The following EFNA5 variants were observed in gnomAD, a reference collection of about 807,000 sequenced individuals.
EFNA5 encodes ephrin A5.
Under a neutral mutation model 22.9 loss-of-function variants are expected in EFNA5, and 5 were observed. The ratio of observed to expected loss-of-function variants is 0.22; its 90% confidence interval spans 0.11 to 0.46. EFNA5 has a LOEUF of 0.46. Among genes scored for constraint, EFNA5 ranks in the 20% least tolerant of loss-of-function variants. The pLI is 0.99. For missense variants in EFNA5, 237 were observed against 293.3 expected (o/e 0.81, Z 1.40); for synonymous variants, 113 against 112.2 (o/e 1.01, Z -0.04).
chr5:107,455,945 T>G (rs1580462984), intron 1 of EFNA5, among the ~76,000 whole-genome samples: 1 of 152,170 alleles, frequency 6.6e-6, no homozygotes, highest in East Asian at 1.9e-4. Context: ...TGATTTTGAG[T>G]GCTTCCTGCA....
chr5:107,486,374 A>G (rs1451420655), intron 1 of EFNA5, among the ~76,000 whole-genome samples: 1 of 152,200 alleles, frequency 6.6e-6, no homozygotes, highest in Non-Finnish European at 1.5e-5. Context: ...CAACCTAATC[A>G]GGTTCAGGTA....
chr5:107,620,799 A>G (rs1750017562), intron 1 of EFNA5, among the ~76,000 whole-genome samples: 1 of 152,352 alleles, frequency 6.6e-6, no homozygotes, highest in East Asian at 1.9e-4. Flanking sequence ...AATAATTACA[A>G]TATAAAATAA....
chr5:107,640,183 G>A (rs1260787806), intron 1 of EFNA5, among the ~76,000 whole-genome samples: 3 of 152,094 alleles, frequency 2.0e-5, no homozygotes, highest in Non-Finnish European at 4.4e-5. Flanking sequence ...CGGAAACTTT[G>A]GGGGAAGGTG....
intron 1 of EFNA5, among the ~76,000 whole-genome samples, chr5:107,509,785 C>T (rs961061968): frequency 1.2e-4 from 19 of 152,064 alleles, no homozygotes; most frequent in Non-Finnish European, 2.8e-4. Flanking sequence ...TTTCTAGAAC[C>T]CAGAAGAGTC....
chr5:107,572,577 G>A (rs164701), intron 1 of EFNA5, among the ~76,000 whole-genome samples: 42,860 of 152,090 alleles, frequency 0.28, 6,137 homozygotes, highest in Non-Finnish European at 0.3. Flanking sequence ...TGCCCTTTTA[G>A]AAGTTAGAGT....
intron 1 of EFNA5, among the ~76,000 whole-genome samples, chr5:107,503,970 A>C (rs1747196201): frequency 6.6e-6 from 1 of 152,222 alleles, no homozygotes; most frequent in African/African-American, 2.4e-5. Context: ...TTAAACTAAT[A>C]ATCAGGCAAT....
chr5:107,551,500 C>T (rs1487672716), intron 1 of EFNA5, among the ~76,000 whole-genome samples: 1 of 152,004 alleles, frequency 6.6e-6, no homozygotes, highest in East Asian at 1.9e-4. Flanking sequence ...CTGTTATTGC[C>T]CACTGGTCAG....
chr5:107,398,273 C>T (rs1747981375), intron 2 of EFNA5, among the ~76,000 whole-genome samples: 1 of 152,238 alleles, frequency 6.6e-6, no homozygotes, highest in Admixed American at 6.5e-5. Flanking sequence ...CCTACTTCCT[C>T]TGGCCACTTG....
chr5:107,617,368 A>C (rs1282526774), intron 1 of EFNA5, among the ~76,000 whole-genome samples: 2 of 152,092 alleles, frequency 1.3e-5, no homozygotes, highest in East Asian at 1.9e-4. Flanking sequence ...TTCAGCACCA[A>C]CCAGATGCTG....
chr5:107,502,044 T>C (rs1352251032), intron 1 of EFNA5, among the ~76,000 whole-genome samples: 1 of 152,164 alleles, frequency 6.6e-6, no homozygotes, highest in Non-Finnish European at 1.5e-5. Context: ...ACACCGGGCA[T>C]TGCCTACGGA....
intron 2 of EFNA5, among the ~76,000 whole-genome samples, chr5:107,408,185 A>C (rs796698361): frequency 6.6e-6 from 1 of 152,024 alleles, no homozygotes; most frequent in African/African-American, 2.4e-5. Context: ...ACACACACAC[A>C]CACCCATCAC....
At chr5:107,434,252 A>C (rs1749051210) in intron 1 of EFNA5, among the ~76,000 whole-genome samples, 1 of 152,170 alleles carries the variant, frequency 6.6e-6, no homozygotes, top group Non-Finnish European at 1.5e-5. Context: ...GTTCCTCTTT[A>C]CTAAGGTAAG....
chr5:107,394,505 G>A (rs529840796), intron 2 of EFNA5, among the ~76,000 whole-genome samples: 2 of 152,238 alleles, frequency 1.3e-5, no homozygotes, highest in South Asian at 4.1e-4. Flanking sequence ...GTTAAAACTT[G>A]GTTTTAACAC....
At chr5:107,569,401 A>ATATATATATTTATGTATATGTGTG (rs1561435743) in intron 1 of EFNA5, among the ~76,000 whole-genome samples, 31 of 130,174 alleles carry the variant, frequency 2.4e-4, no homozygotes, top group African/African-American at 1.1e-3. Flanking sequence ...ATATGTGTGT[A>ATATATATATTTATGTATATGTGTG]TATATATATA....
At chr5:107,407,260 C>T (rs374717160) in intron 2 of EFNA5, among the ~76,000 whole-genome samples, 8 of 152,198 alleles carry the variant, frequency 5.3e-5, no homozygotes, top group African/African-American at 1.9e-4. Context: ...GCAGCAGCAG[C>T]CCTGATTAGC....
At chr5:107,446,415 A>G (rs941644911) in intron 1 of EFNA5, among the ~76,000 whole-genome samples, 1 of 152,204 alleles carries the variant, frequency 6.6e-6, no homozygotes, top group African/African-American at 2.4e-5. Context: ...TAGTAGGTAG[A>G]GTGTAATTTT....
intron 1 of EFNA5, among the ~76,000 whole-genome samples, chr5:107,470,434 A>G (rs1750107866): frequency 6.6e-6 from 1 of 152,234 alleles, no homozygotes; most frequent in South Asian, 2.1e-4. Context: ...TATCATATGC[A>G]TGGCAGCATT....
intron 1 of EFNA5, among the ~76,000 whole-genome samples, chr5:107,618,028 GAA>G (rs534496118): frequency 3.4e-5 from 5 of 146,348 alleles, no homozygotes; most frequent in African/African-American, 1.2e-4. Flanking sequence ...TGGATTTCAA[GAA>G]AAAAAAAAGA....
At chr5:107,600,917 G>C (rs1188304044) in intron 1 of EFNA5, among the ~76,000 whole-genome samples, 1 of 152,152 alleles carries the variant, frequency 6.6e-6, no homozygotes, top group Non-Finnish European at 1.5e-5. Context: ...TCTTGATTAA[G>C]ATACAGAAAA....
Sources: allele counts gnomAD v4.1 joint callset (sites outside exome capture counted in the v4.1 genomes callset), GRCh38; gene constraint gnomAD v4.1.1; transcripts MANE v1.5; gene names NCBI Gene and HGNC (gene_info 2026-07-23, HGNC 2026-07-21).